The following PRKCQ variants were observed in gnomAD, a reference collection of about 807,000 sequenced individuals.
PRKCQ encodes the protein protein kinase C theta.
A neutral mutation model predicts 91.2 loss-of-function variants in PRKCQ; 41 were observed. The ratio of observed to expected loss-of-function variants is 0.45; its 90% CI spans 0.35 to 0.58. The LOEUF (loss-of-function observed/expected upper bound fraction) is 0.58, where lower values mean the gene tolerates loss of function less well. Ranked by LOEUF, PRKCQ falls within the 20% of genes least tolerant of loss-of-function variation. The pLI is 0.00. For missense variants in PRKCQ, 673 were observed against 896.5 expected (o/e 0.75, Z 3.18); for synonymous variants, 307 against 316.9 (o/e 0.97, Z 0.33).
chr10:6,579,702 C>A (rs1564404994), intron 1 of PRKCQ, among the ~76,000 whole-genome samples: 1 of 150,904 alleles, frequency 6.6e-6, no homozygotes, highest in Non-Finnish European at 1.5e-5. Flanking sequence ...CTCCCCCAGG[C>A]CCTTGACCAG....
intron 1 of PRKCQ, among the ~76,000 whole-genome samples, chr10:6,575,102 A>T (rs113046744): frequency 6.6e-6 from 1 of 152,246 alleles, no homozygotes; most frequent in African/African-American, 2.4e-5. Flanking sequence ...GACAGAAAGG[A>T]AACTAGCAAA....
chr10:6,475,428 T>C (rs1836220438), intron 12 of PRKCQ, among the ~76,000 whole-genome samples: 1 of 152,196 alleles, frequency 6.6e-6, no homozygotes, highest in African/African-American at 2.4e-5. Flanking sequence ...TTTTCACCCT[T>C]CCATAGGTGA....
the PRKCQ span, among the ~76,000 whole-genome samples, chr10:6,403,654 T>G: frequency 6.6e-6 from 1 of 152,180 alleles, no homozygotes; most frequent in Non-Finnish European, 1.5e-5. Context: ...TGTCAGACCA[T>G]TTTAATCTAC....
the PRKCQ span, among the ~76,000 whole-genome samples, chr10:6,414,118 C>T: frequency 4.6e-5 from 7 of 152,104 alleles, no homozygotes; most frequent in Admixed American, 3.3e-4. Flanking sequence ...AAGGTGACTC[C>T]GGAAGGTTCC....
Position 6,510,984 on chromosome 10 carries a change from T to C in PRKCQ, c.318+11A>G, listed in dbSNP as rs773844053. The C allele has an allele frequency of 1.2e-6, 2 of 1,614,074 alleles. No individual in the cohort carries two copies. The highest frequency in any genetic ancestry group is 1.7e-5 in the Admixed American group (1 of 60,024). ...TTATCCCTTATGTGCATACACTTTA[T>C]GCAACGTTACCCATATTTCTGTCTT... is the stretch of plus-strand genomic sequence containing the variant. On this transcript the variant is annotated intron_variant, in intron 3 of 17. Transcript: ENST00000263125.
intron 12 of PRKCQ, 35 bp from the exon 13 acceptor site, chr10:6,464,439 C>T (rs752581348): frequency 2.0e-6 from 3 of 1,503,702 alleles, no homozygotes; most frequent in Admixed American, 3.7e-5. Context: ...ACTTTTATTT[C>T]ATTTCATTTT....
chr10:6,397,647 G>A, the PRKCQ span, among the ~76,000 whole-genome samples: 5 of 152,294 alleles, frequency 3.3e-5, no homozygotes, highest in Middle Eastern at 3.4e-3. Flanking sequence ...CTTGCTGGCT[G>A]GGTGCGGTGG....
the PRKCQ span, among the ~76,000 whole-genome samples, chr10:6,404,573 CTCTTTCTT>C: frequency 2.0e-4 from 24 of 121,912 alleles, no homozygotes; most frequent in East Asian, 4.0e-4. Flanking sequence ...TTCCTTCTTT[CTCTTTCTT>C]TCTTTCTTTT....
At chr10:6,515,615 T>C (rs1159479049) in intron 1 of PRKCQ, 2 of 727,806 alleles carry the variant, frequency 2.7e-6, no homozygotes, top group Non-Finnish European at 3.4e-6. Context: ...ATGTGTGTAA[T>C]GGGATTGGCC....
chr10:6,400,651 C>T, the PRKCQ span, among the ~76,000 whole-genome samples: 1 of 141,414 alleles, frequency 7.1e-6, no homozygotes, highest in East Asian at 2.0e-4. Context: ...AAAAAAGGCT[C>T]ATTTTAGCTA....
intron 17 of PRKCQ, among the ~76,000 whole-genome samples, chr10:6,429,075 G>A (rs1833276910): frequency 6.6e-6 from 1 of 152,192 alleles, no homozygotes; most frequent in Non-Finnish European, 1.5e-5. Flanking sequence ...AACAGAAAGT[G>A]CTATGAACAC....
chr10:6,400,898 A>G, the PRKCQ span, among the ~76,000 whole-genome samples: 8 of 152,238 alleles, frequency 5.3e-5, no homozygotes, highest in African/African-American at 1.9e-4. Context: ...ACCATGTTAG[A>G]TGCTAAGAAC....
chr10:6,447,612 G>A (rs1475283288), intron 15 of PRKCQ, among the ~76,000 whole-genome samples: 1 of 152,170 alleles, frequency 6.6e-6, no homozygotes, highest in East Asian at 1.9e-4. Context: ...GAGCACAGGT[G>A]TGTTTTTCAT....
intron 1 of PRKCQ, among the ~76,000 whole-genome samples, chr10:6,548,128 A>C (rs1425662207): frequency 6.6e-6 from 1 of 152,132 alleles, no homozygotes; most frequent in Non-Finnish European, 1.5e-5. Context: ...AGACACATGA[A>C]AAAATGCTCA....
Position 6,472,287 on chromosome 10 carries a change from G to A in PRKCQ, c.1353+6705C>T, listed in dbSNP as rs544668245. Among the ~76,000 whole-genome samples, 12 of 152,190 alleles carry A rather than the reference G, an allele frequency of 7.9e-5. No individual in the cohort carries two copies. The East Asian group carries it at 1.2e-3, about 15-fold the overall frequency. On this transcript the variant is annotated intron_variant, in intron 12 of 17. Coordinates refer to ENST00000263125, the MANE Select transcript of PRKCQ (RefSeq NM_006257.5). Reference sequence around the variant, plus strand: ...CGCACCACTGCACTCCAGGCTGGGCGACAGAGCGAGACTCCATCTCAGAAA... The same window carrying A: ...CGCACCACTGCACTCCAGGCTGGGCAACAGAGCGAGACTCCATCTCAGAAA...
Position 6,548,206 on chromosome 10 carries a change from T to C in PRKCQ, c.-10+32005A>G, listed in dbSNP as rs1840039576. Among the ~76,000 whole-genome samples the C allele has an allele frequency of 6.0e-5, 9 of 150,704 alleles. No individual in the cohort carries two copies. In the South Asian group the frequency reaches 1.7e-3, roughly 28 times the overall value. The stretch of plus-strand genomic sequence containing the variant: ...AGATACCATCTCACACCAGTTAGAA[T>C]GGCAATCATTAAAAGGTCAGGAAAC... On this transcript the variant is annotated intron_variant, in intron 1 of 17. Transcript: ENST00000263125.
intron 12 of PRKCQ, among the ~76,000 whole-genome samples, chr10:6,476,993 G>C (rs528284570): frequency 2.2e-4 from 34 of 152,152 alleles, no homozygotes; most frequent in Admixed American, 7.2e-4. Flanking sequence ...GGAGTTTCTA[G>C]TACAAAATCT....
At position 6,430,960 on chromosome 10, in the gene PRKCQ, GC is replaced by G. The variant is rs778590593; in HGVS notation, c.1837-23del. On this transcript the variant is annotated intron_variant, in intron 16 of 17. Transcript: ENST00000263125. This position sits in a 1 kb window ranked among gnomAD's most constrained non-coding sequence, Gnocchi z 4.7. ...AGAGCTGAAAGGGAGCAGAGCAGGA[GC>G]CCTGAGGTCTCCAGGGATGACCCTT... is the stretch of plus-strand genomic sequence containing the variant. 4 of 1,612,294 alleles carry G rather than the reference GC, an allele frequency of 2.5e-6. No individual in the cohort carries two copies. The highest frequency in any genetic ancestry group is 3.4e-6 in the Non-Finnish European group (4 of 1,179,142).
At chr10:6,473,895 T>C (rs1648129991) in intron 12 of PRKCQ, among the ~76,000 whole-genome samples, 1 of 152,200 alleles carries the variant, frequency 6.6e-6, no homozygotes. Flanking sequence ...TAATATCTTG[T>C]AGTTAGTATG....
Sources: gnomAD v4.1 joint callset for allele counts (sites outside exome capture counted in the v4.1 genomes callset) on GRCh38, gnomAD v4.1.1 for gene constraint, Gnocchi (gnomAD v3.1) non-coding constraint, MANE v1.5 for transcripts, NCBI Gene and HGNC (gene_info 2026-07-23, HGNC 2026-07-21) for gene names.